The following MAP3K20 variants were observed in gnomAD, a reference collection of about 807,000 sequenced individuals.
The protein encoded by MAP3K20 is mitogen-activated protein kinase kinase kinase 20.
Under a neutral mutation model 85.7 loss-of-function variants are expected in MAP3K20, and 40 were observed. The ratio of observed to expected loss-of-function variants is 0.47; its 90% confidence interval spans 0.36 to 0.61. MAP3K20 has a LOEUF of 0.61. Among genes scored for constraint, MAP3K20 ranks in the 20% least tolerant of loss-of-function variants. The pLI, the probability that MAP3K20 is intolerant of heterozygous loss-of-function variation, is 0.00. For synonymous variants in MAP3K20, 325 were observed against 327.7 expected (o/e 0.99, Z 0.09); for missense variants, 817 against 961.7 (o/e 0.85, Z 1.99).
intron 1 of MAP3K20, among the ~76,000 whole-genome samples, chr2:173,078,554 G>A (rs911147767): frequency 1.3e-5 from 2 of 152,152 alleles, no homozygotes; most frequent in African/African-American, 2.4e-5. Context: ...AGATTGATTC[G>A]ACTGATACAT....
rs1684116045 is a variant in MAP3K20 at position 173,217,584 on chromosome 2, G to C, written c.987+334G>C. Among the ~76,000 whole-genome samples, 3 of 152,174 alleles carry C rather than the reference G, an allele frequency of 2.0e-5. No individual in the cohort carries two copies. The South Asian group carries it at 6.2e-4, about 32-fold the overall frequency. On this transcript the variant is annotated intron_variant, in intron 11 of 19. Transcript: ENST00000375213. ...GCTCAGTCTCAGAACATGCACCTCGGTGCTGATTAACTCCTTCTAGTCACT... is the reference window on the plus strand; with the variant it reads ...GCTCAGTCTCAGAACATGCACCTCGCTGCTGATTAACTCCTTCTAGTCACT...
At chr2:173,212,943 G>T (rs1040326508) in intron 10 of MAP3K20, 23 of 151,860 alleles carry the variant, frequency 1.5e-4, no homozygotes, top group Non-Finnish European at 3.2e-4. Context: ...TAAAATGATG[G>T]TATCTCCATA....
At position 173,147,818 on chromosome 2, in the gene MAP3K20, C is replaced by T. The variant is rs546846577; in HGVS notation, c.160-21987C>T. On this transcript the variant is annotated intron_variant, in intron 2 of 19. Transcript: ENST00000375213. The stretch of plus-strand genomic sequence containing the variant: ...GCCAGGATGGTCTTGATTTCTTGAT[C>T]TCGTGATCCACCCACCTCAGCCTCC... Among the ~76,000 whole-genome samples, 200 of 152,212 alleles carry T rather than the reference C, an allele frequency of 1.3e-3. 2 individuals are homozygous for T. The highest frequency in any genetic ancestry group is 2.3e-3 in the Non-Finnish European group (158 of 68,010).
intron 10 of MAP3K20, among the ~76,000 whole-genome samples, chr2:173,216,510 GT>G (rs35988775): frequency 3.4e-5 from 5 of 148,968 alleles, no homozygotes; most frequent in African/African-American, 7.5e-5. Flanking sequence ...GTTCTGGTGT[GT>G]TTTTTTTTTA....
At chr2:173,149,984 C>A (rs890366922) in intron 2 of MAP3K20, among the ~76,000 whole-genome samples, 2 of 152,180 alleles carry the variant, frequency 1.3e-5, no homozygotes, top group Non-Finnish European at 2.9e-5. Context: ...TGAATGATGG[C>A]TAATGCCCAA....
intron 2 of MAP3K20, among the ~76,000 whole-genome samples, chr2:173,099,939 A>G (rs1037019025): frequency 6.6e-6 from 1 of 152,228 alleles, no homozygotes; most frequent in Non-Finnish European, 1.5e-5. Flanking sequence ...GACTCATAGG[A>G]AGACTTGGAT....
chr2:173,217,133 T>C lies in MAP3K20; in HGVS notation c.870T>C (p.Thr290=), dbSNP rs142973347. 106 of 1,576,572 alleles carry C rather than the reference T, an allele frequency of 6.7e-5. No homozygotes were observed. The highest frequency in any genetic ancestry group is 7.1e-5 in the South Asian group (6 of 84,482). The change falls in exon 11 of 20, where the codon ACT becomes ACC. Residue 290 remains threonine (T), a synonymous_variant. Transcript: ENST00000375213. ...KAEWRCEIEA[T]LERLKKLERD... Reference sequence around the variant, plus strand: ...CGTGCAGGTGCGAAATTGAGGCAACTCTTGAGAGGCTAAAGAAACTAGAGC... The same window carrying C: ...CGTGCAGGTGCGAAATTGAGGCAACCCTTGAGAGGCTAAAGAAACTAGAGC...
At chr2:173,120,490 C>T (rs1282734983) in intron 2 of MAP3K20, among the ~76,000 whole-genome samples, 1 of 151,492 alleles carries the variant, frequency 6.6e-6, no homozygotes, top group Non-Finnish European at 1.5e-5. Flanking sequence ...TCCTCTTTTT[C>T]TGCTTGTTGG....
intron 2 of MAP3K20, among the ~76,000 whole-genome samples, chr2:173,119,263 C>T (rs937532520): frequency 6.6e-6 from 1 of 152,184 alleles, no homozygotes; most frequent in African/African-American, 2.4e-5. Flanking sequence ...AAGCCATCTG[C>T]TGGGGGTCCA....
At chr2:173,239,379 A>G in intron 15 of MAP3K20, 25 bp from the exon 16 acceptor site, 1 of 1,580,054 alleles carries the variant, frequency 6.3e-7, no homozygotes, top group Non-Finnish European at 8.6e-7. Flanking sequence ...ATCTAGAATA[A>G]TTGGTGCTTG....
At chr2:173,154,675 C>T (rs1471038810) in intron 2 of MAP3K20, among the ~76,000 whole-genome samples, 1 of 152,120 alleles carries the variant, frequency 6.6e-6, no homozygotes, top group Non-Finnish European at 1.5e-5. Flanking sequence ...ATTTGACTTC[C>T]AGCACTCTGA....
At chr2:173,123,310 T>A (rs1343968933) in intron 2 of MAP3K20, among the ~76,000 whole-genome samples, 1 of 142,254 alleles carries the variant, frequency 7.0e-6, no homozygotes. Flanking sequence ...CCCAGCATTC[T>A]TTATCTAACA....
At chr2:173,215,070 C>G (rs1684030400) in intron 10 of MAP3K20, among the ~76,000 whole-genome samples, 1 of 152,184 alleles carries the variant, frequency 6.6e-6, no homozygotes, top group Admixed American at 6.5e-5. Context: ...TGGAAGTGCT[C>G]AAAATCGCAG....
At chr2:173,172,281 G>T (rs1183064449) in intron 3 of MAP3K20, among the ~76,000 whole-genome samples, 1 of 151,816 alleles carries the variant, frequency 6.6e-6, no homozygotes, top group East Asian at 1.9e-4. Context: ...AATAGTGGAG[G>T]CTCTGAAGGA....
Position 173,182,837 on chromosome 2 carries a change from C to T in MAP3K20, c.248-17C>T, listed in dbSNP as rs201191091. Reference sequence around the variant, plus strand: ...ATCTTGATTTTAATTATATGCTTATCTTTCCTTTTAAAATAGAATATGCTT... The same window carrying T: ...ATCTTGATTTTAATTATATGCTTATTTTTCCTTTTAAAATAGAATATGCTT... On this transcript the variant is annotated splice_polypyrimidine_tract_variant and intron_variant, in intron 3 of 19. Transcript: ENST00000375213. The T allele has an allele frequency of 1.7e-5, 26 of 1,529,948 alleles. No individual in the cohort carries two copies. The East Asian group carries it at 6.0e-4, about 36-fold the overall frequency. The allele number at this position is 1,529,948 out of a possible 1,614,324, so 94.8% of individuals were successfully genotyped here.
chr2:173,110,310 G>A (rs1687933603), intron 2 of MAP3K20, among the ~76,000 whole-genome samples: 1 of 128,468 alleles, frequency 7.8e-6, no homozygotes, highest in Non-Finnish European at 1.6e-5. Context: ...CTGGAGTGCA[G>A]TGGTGTGATC....
chr2:173,190,462 G>C (rs1293266719), intron 5 of MAP3K20, among the ~76,000 whole-genome samples: 1 of 152,176 alleles, frequency 6.6e-6, no homozygotes, highest in Non-Finnish European at 1.5e-5. Context: ...ATGAATGAAT[G>C]TATGAACAAG....
At chr2:173,094,145 A>C (rs1366133136) in intron 2 of MAP3K20, among the ~76,000 whole-genome samples, 4 of 152,184 alleles carry the variant, frequency 2.6e-5, no homozygotes, top group Admixed American at 1.3e-4. Flanking sequence ...ATAATAAAAA[A>C]AAATTTTTTT....
intron 11 of MAP3K20, chr2:173,224,262 G>C: frequency 1.0e-6 from 1 of 985,310 alleles, no homozygotes; most frequent in Non-Finnish European, 1.2e-6. Flanking sequence ...GGGATCTTTG[G>C]GGCTAACTTC....
Sources: allele counts gnomAD v4.1 joint callset (sites outside exome capture counted in the v4.1 genomes callset), GRCh38; gene constraint gnomAD v4.1.1; transcripts MANE v1.5; gene names NCBI Gene and HGNC (gene_info 2026-07-23, HGNC 2026-07-21).